Variants in TTC7B observed in about 807,000 individuals in gnomAD.
The protein encoded by TTC7B is tetratricopeptide repeat domain 7B.
Under a neutral mutation model 106.8 loss-of-function variants are expected in TTC7B, and 28 were observed. The observed-to-expected ratio is 0.26, with a 90% confidence interval of 0.19 to 0.36. The LOEUF (loss-of-function observed/expected upper bound fraction) is 0.36. Among genes scored for constraint, TTC7B ranks in the 10% least tolerant of loss-of-function variants. The pLI is 1.00. For missense variants in TTC7B, 862 were observed against 1,076.4 expected (o/e 0.80, Z 2.79); for synonymous variants, 405 against 430.6 (o/e 0.94, Z 0.74).
rs896877070 is a variant in TTC7B at position 90,537,677 on chromosome 14, T to A, written c.*3691A>T. ...CTTCCTGAGATGTCCTCCTCCCAGG[T>A]TACCTGTCTTTCTTCAGCCAGATGT... is the stretch of plus-strand genomic sequence containing the variant. On this transcript the variant is annotated 3_prime_UTR_variant, in exon 20 of 20. Coordinates refer to ENST00000328459, the MANE Select transcript of TTC7B (RefSeq NM_001010854.2). The A allele has an allele frequency of 1.3e-5, 2 of 152,432 alleles. No homozygotes were observed. The highest frequency in any genetic ancestry group is 6.5e-5 in the Admixed American group (1 of 15,280). 9.4% of individuals were successfully genotyped at this position (152,432 alleles called of 1,614,324 possible).
rs866593290 is a variant in TTC7B at position 90,766,136 on chromosome 14, T to A, written c.445+14602A>T. Among the ~76,000 whole-genome samples the A allele has an allele frequency of 1.6e-3, 66 of 41,054 alleles. 1 individual carries two copies. Among genetic ancestry groups the A allele is most frequent in the East Asian group, 9.6e-3 (12 of 1,246 alleles). The allele number at this position is 41,054 out of a possible 152,430, so 26.9% of individuals were successfully genotyped here. A position where few individuals can be genotyped will look rare whatever the true frequency, so the allele number is the denominator to read the frequency against. ...CTTGGCACAAAGACAGCCTACAACG[T>A]TTTTTTTTTTTTTTAATAAACAAAA... On this transcript the variant is annotated intron_variant, in intron 3 of 19. Transcript: ENST00000328459.
intron 3 of TTC7B, chr14:90,766,684 T>C (rs879046638): frequency 3.6e-6 from 5 of 1,378,826 alleles, no homozygotes; most frequent in Non-Finnish European, 4.1e-6. Flanking sequence ...AGACATTGAC[T>C]GCACCAAGAG....
intron 3 of TTC7B, among the ~76,000 whole-genome samples, chr14:90,754,103 C>A (rs565987302): frequency 6.6e-6 from 1 of 152,216 alleles, no homozygotes; most frequent in East Asian, 1.9e-4. Context: ...ATGAGGGAAC[C>A]CTGTGTGAAA....
At chr14:90,557,854 T>C (rs1000263089) in intron 19 of TTC7B, among the ~76,000 whole-genome samples, 6 of 152,238 alleles carry the variant, frequency 3.9e-5, no homozygotes, top group Non-Finnish European at 8.8e-5. Context: ...TGGGGAGTTC[T>C]GGAAGGCGAC....
chr14:90,766,418 G>A, intron 3 of TTC7B: 1 of 542,760 alleles, frequency 1.8e-6, no homozygotes, highest in Non-Finnish European at 3.3e-6. Context: ...TGAAAGTCAA[G>A]AAAATGATGT....
In TTC7B at chr14:90,726,427, C is replaced by T. The variant is rs184793500; in HGVS notation, c.698+3648G>A. The stretch of plus-strand genomic sequence containing the variant: ...CCCTGCCTCCAAGCCCTGGCAATGT[C>T]CGGCTCGGTCATCTACTTCTCCACA... On this transcript the variant is annotated intron_variant, in intron 5 of 19. Coordinates refer to ENST00000328459, the MANE Select transcript of TTC7B (RefSeq NM_001010854.2). Among the ~76,000 whole-genome samples, 210 of 152,282 alleles carry T rather than the reference C, an allele frequency of 1.4e-3. 1 individual carries two copies. The highest frequency in any genetic ancestry group is 4.9e-3 in the African/African-American group (205 of 41,550).
At chr14:90,542,947 T>C (rs1484690030) in intron 19 of TTC7B, among the ~76,000 whole-genome samples, 1 of 152,210 alleles carries the variant, frequency 6.6e-6, no homozygotes, top group Non-Finnish European at 1.5e-5. Context: ...TTGCCTCACT[T>C]TTTCAGCCAT....
chr14:90,532,419 T>C lies in TTC7B; in HGVS notation c.*8949A>G, dbSNP rs1233348653. On this transcript the variant is annotated 3_prime_UTR_variant, in exon 20 of 20. Transcript: ENST00000328459. ...CAATGTGAGGATGGGCCAGCCCTTT[T>C]GCAAACTGGCTGGGCCTAGTCATCT... 1 of 152,162 alleles carries C rather than the reference T, an allele frequency of 6.6e-6. No homozygotes were observed. Among genetic ancestry groups the C allele is most frequent in the Non-Finnish European group, 1.5e-5 (1 of 68,024 alleles). 9.4% of individuals were successfully genotyped at this position (152,162 alleles called of 1,614,324 possible).
chr14:90,749,899 T>G (rs1890088462), intron 3 of TTC7B, among the ~76,000 whole-genome samples: 1 of 152,178 alleles, frequency 6.6e-6, no homozygotes, highest in South Asian at 2.1e-4. Flanking sequence ...TTACTAAACT[T>G]TCTGAAATAA....
chr14:90,564,639 G>C (rs1322597737), intron 19 of TTC7B, among the ~76,000 whole-genome samples: 1 of 152,196 alleles, frequency 6.6e-6, no homozygotes, highest in Non-Finnish European at 1.5e-5. Context: ...TGGGCACAGT[G>C]GTTCAGGCCT....
intron 19 of TTC7B, among the ~76,000 whole-genome samples, chr14:90,562,037 G>C (rs1381617938): frequency 6.6e-6 from 1 of 152,048 alleles, no homozygotes; most frequent in African/African-American, 2.4e-5. Flanking sequence ...TATATCTCAG[G>C]CAGTCTTGTC....
chr14:90,588,025 G>A (rs948793969), intron 18 of TTC7B, among the ~76,000 whole-genome samples: 3 of 152,230 alleles, frequency 2.0e-5, no homozygotes, highest in Admixed American at 6.5e-5. Flanking sequence ...TCTACAGTGT[G>A]TGGTAAACGT....
Position 90,663,121 on chromosome 14 carries a change from C to T in TTC7B, c.1153-4734G>A, listed in dbSNP as rs1161645517. ...AATTACTTTACAAGCATCGCCTCAT[C>T]GGGTGACCCTAAGGACCCTGCAAAG... On this transcript the variant is annotated intron_variant, in intron 9 of 19. Transcript: ENST00000328459. The surrounding 1 kb of genome is among the most constrained non-coding windows in gnomAD (Gnocchi z 4.5). 3.3e-5 allele frequency among the ~76,000 whole-genome samples: 5 copies of T among 152,336 alleles called. No homozygotes were observed. The highest frequency in any genetic ancestry group is 1.9e-4 in the East Asian group (1 of 5,178).
At chr14:90,586,460 G>A (rs1891717832) in intron 18 of TTC7B, among the ~76,000 whole-genome samples, 1 of 152,108 alleles carries the variant, frequency 6.6e-6, no homozygotes, top group African/African-American at 2.4e-5. Flanking sequence ...AGTAGAGACG[G>A]GGTTTCACCA....
intron 4 of TTC7B, among the ~76,000 whole-genome samples, chr14:90,743,163 C>G (rs1052156624): frequency 5.3e-5 from 8 of 152,198 alleles, no homozygotes; most frequent in South Asian, 4.1e-4. Flanking sequence ...GAACATAATT[C>G]TGGCAAGACA....
At chr14:90,582,587 G>A (rs996404803) in intron 18 of TTC7B, among the ~76,000 whole-genome samples, 1 of 152,230 alleles carries the variant, frequency 6.6e-6, no homozygotes. Flanking sequence ...CCCAAAGCGA[G>A]TCACAAATGG....
chr14:90,693,245 C>CA (rs1398652791), intron 6 of TTC7B, among the ~76,000 whole-genome samples: 1 of 152,032 alleles, frequency 6.6e-6, no homozygotes, highest in African/African-American at 2.4e-5. Flanking sequence ...CTCAAGCACC[C>CA]ACTGGCTATG....
chr14:90,593,383 G>T, intron 18 of TTC7B, 103 bp downstream of exon 18: 1 of 1,453,306 alleles, frequency 6.9e-7, no homozygotes, highest in Non-Finnish European at 9.1e-7. Flanking sequence ...AGGGGTGTGG[G>T]CTAAACAGAC....
Position 90,579,133 on chromosome 14 carries a change from G to C in TTC7B, c.2108-825C>G, listed in dbSNP as rs190690852. ...CAGGGGGAACGTGTCAACTGGCCCC[G>C]AGGGCCTCTTCTCCTGAGGCCTTGC... is the stretch of plus-strand genomic sequence containing the variant. On this transcript the variant is annotated intron_variant, in intron 18 of 19. Coordinates refer to ENST00000328459, the MANE Select transcript of TTC7B (RefSeq NM_001010854.2). Among the ~76,000 whole-genome samples the C allele has an allele frequency of 9.2e-5, 14 of 152,288 alleles. No individual in the cohort carries two copies. In the East Asian group the frequency reaches 2.7e-3, roughly 29 times the overall value.
Sources: allele counts gnomAD v4.1 joint callset (sites outside exome capture counted in the v4.1 genomes callset), GRCh38; gene constraint gnomAD v4.1.1; non-coding constraint Gnocchi (gnomAD v3.1); transcripts MANE v1.5; gene names NCBI Gene and HGNC (gene_info 2026-07-23, HGNC 2026-07-21).